Variants in FIG4 observed in about 807,000 individuals in gnomAD.
FIG4 encodes the protein FIG4 phosphoinositide 5-phosphatase.
A neutral mutation model predicts 118.6 loss-of-function variants in FIG4; 112 were observed. The observed-to-expected ratio is 0.94, with a 90% CI of 0.81 to 1.11. The LOEUF (loss-of-function observed/expected upper bound fraction) is 1.11. FIG4 is among the 50% of genes least tolerant of loss of function. The probability of loss-of-function intolerance (pLI) is 0.00; values close to 1 mark genes in which losing one functional copy is unlikely to be tolerated. For missense variants in FIG4, 969 were observed against 1,111.7 expected (o/e 0.87, Z 1.83); for synonymous variants, 369 against 381.2 (o/e 0.97, Z 0.37).
At chr6:109,720,442 T>C (rs2128382358) in intron 3 of FIG4, among the ~76,000 whole-genome samples, 1 of 152,356 alleles carries the variant, frequency 6.6e-6, no homozygotes, top group East Asian at 1.9e-4. Flanking sequence ...TGGTGGAATG[T>C]TTTGGATTGT....
At chr6:109,730,402 A>G (rs1038051952) in intron 4 of FIG4, among the ~76,000 whole-genome samples, 3 of 152,172 alleles carry the variant, frequency 2.0e-5, no homozygotes, top group African/African-American at 7.2e-5. Context: ...TGTTTTGAGA[A>G]TGGAACTTGA....
chr6:109,814,130 T>C (rs987263948), intron 22 of FIG4, among the ~76,000 whole-genome samples: 1 of 152,156 alleles, frequency 6.6e-6, no homozygotes, highest in African/African-American at 2.4e-5. Context: ...ACAAATTCAG[T>C]CTGTGCCATT....
rs1344158585 is a variant in FIG4 at position 109,715,084 on chromosome 6, T to C, written c.73T>C (p.Phe25Leu). Residue 25 changes from phenylalanine (F) to leucine (L), a missense_variant, in exon 2 of 23, where the codon TTT becomes CTT. Around this residue, in one of 3 missense-constraint regions of FIG4, gnomAD observed 393 missense variants for 409.4 expected, o/e 0.96. Coordinates refer to ENST00000230124, the MANE Select transcript of FIG4 (RefSeq NM_014845.6). Reference sequence around the variant, plus strand: ...CATTCCTTTTTATTTATAGAGATACTTTCTAGTTGGGAGCAATAATGCAGA... The same window carrying C: ...CATTCCTTTTTATTTATAGAGATACCTTCTAGTTGGGAGCAATAATGCAGA... ...LVLYETRARYFLVGSNNAETK... is the reference protein window; with the variant it reads ...LVLYETRARYLLVGSNNAETK... 1 of 1,565,780 alleles carries C rather than the reference T, an allele frequency of 6.4e-7. No individual in the cohort carries two copies. Among genetic ancestry groups the C allele is most frequent in the Admixed American group, 1.7e-5 (1 of 59,954 alleles).
At chr6:109,788,286 T>C (rs988375195) in intron 18 of FIG4, among the ~76,000 whole-genome samples, 4 of 152,212 alleles carry the variant, frequency 2.6e-5, no homozygotes, top group Non-Finnish European at 4.4e-5. Context: ...GAATGAAGCT[T>C]ATCTAACACA....
intron 10 of FIG4, among the ~76,000 whole-genome samples, chr6:109,746,234 T>TA (rs1776493597): frequency 6.6e-6 from 1 of 152,130 alleles, no homozygotes; most frequent in Non-Finnish European, 1.5e-5. Context: ...CACCTTATAG[T>TA]CAGTCATTTA....
chr6:109,753,725 C>G (rs1433978552), intron 10 of FIG4, among the ~76,000 whole-genome samples: 1 of 152,094 alleles, frequency 6.6e-6, no homozygotes. Flanking sequence ...GGAGTTCACT[C>G]ATGATTTGGC....
chr6:109,705,417 G>A (rs1289962322), intron 1 of FIG4, among the ~76,000 whole-genome samples: 5 of 152,148 alleles, frequency 3.3e-5, no homozygotes, highest in South Asian at 2.1e-4. Flanking sequence ...CTCATAACTG[G>A]CTCCACATGA....
At chr6:109,727,030 T>C (rs944236761) in intron 3 of FIG4, 79 bp from the exon 4 acceptor site, 103 of 1,031,824 alleles carry the variant, frequency 1.0e-4, no homozygotes, top group Non-Finnish European at 1.0e-4. Flanking sequence ...GTATCAAAGG[T>C]CTTTGGCCTT....
At chr6:109,730,167 GCC>G (rs1775952742) in intron 4 of FIG4, among the ~76,000 whole-genome samples, 5 of 152,040 alleles carry the variant, frequency 3.3e-5, no homozygotes, top group Admixed American at 2.6e-4. Context: ...TCCCACCTCA[GCC>G]TCCCCAGTAG....
intron 22 of FIG4, among the ~76,000 whole-genome samples, chr6:109,823,342 G>A (rs760625528): frequency 1.2e-4 from 19 of 152,102 alleles, no homozygotes; most frequent in Non-Finnish European, 2.6e-4. Context: ...ATTCCTTATT[G>A]CTGATCCTTT....
intron 1 of FIG4, 113 bp downstream of exon 1, chr6:109,691,614 C>A: frequency 1.0e-6 from 1 of 988,068 alleles, no homozygotes; most frequent in Non-Finnish European, 1.6e-6. Flanking sequence ...CTCCAGTTCC[C>A]AAATCCCTGT....
Position 109,702,019 on chromosome 6 carries a change from A to G in FIG4, c.66+10518A>G, listed in dbSNP as rs116206545. On this transcript the variant is annotated intron_variant, in intron 1 of 22. Coordinates refer to ENST00000230124, the MANE Select transcript of FIG4 (RefSeq NM_014845.6). ...TCCCCCTTCTGGGCGGCATTACCCA[A>G]TTACTGGGATTACTGGACTAAGTGA... Among the ~76,000 whole-genome samples, 1,468 of 152,280 alleles carry G rather than the reference A, an allele frequency of 9.6e-3. 29 individuals are homozygous for G. The highest frequency in any genetic ancestry group is 0.034 in the African/African-American group (1,396 of 41,528).
intron 22 of FIG4, among the ~76,000 whole-genome samples, chr6:109,815,496 C>CGGGGGGGGGG (rs58181285): frequency 2.8e-5 from 3 of 106,516 alleles, no homozygotes; most frequent in East Asian, 2.6e-4. Context: ...CTCCAGGCTG[C>CGGGGGGGGGG]CCCCCCCACC....
chr6:109,744,818 G>A (rs1252216015), intron 10 of FIG4, among the ~76,000 whole-genome samples: 1 of 148,610 alleles, frequency 6.7e-6, no homozygotes, highest in South Asian at 2.2e-4. Context: ...AGGCCCCAGT[G>A]TGTGATGTTC....
chr6:109,792,558 TTC>T, intron 20 of FIG4, 22 bp from the exon 21 acceptor site: 1 of 1,462,202 alleles, frequency 6.8e-7, no homozygotes, highest in Non-Finnish European at 9.5e-7. Context: ...TTCCTGGTTC[TTC>T]TTTTTTTTTT....
At chr6:109,693,347 C>G (rs150031542) in intron 1 of FIG4, among the ~76,000 whole-genome samples, 497 of 152,222 alleles carry the variant, frequency 3.3e-3, no homozygotes, top group African/African-American at 0.011. Flanking sequence ...TGCCACACCC[C>G]CTCTTTTCCT....
chr6:109,752,443 A>T (rs901651399), intron 10 of FIG4, among the ~76,000 whole-genome samples: 7 of 151,750 alleles, frequency 4.6e-5, no homozygotes, highest in Non-Finnish European at 1.0e-4. Flanking sequence ...GAACTAGTTT[A>T]CAGTCCCACC....
intron 22 of FIG4, among the ~76,000 whole-genome samples, chr6:109,809,423 T>A (rs1778661996): frequency 6.6e-6 from 1 of 152,236 alleles, no homozygotes; most frequent in African/African-American, 2.4e-5. Context: ...AATTATTTTT[T>A]AACTTCTGTC....
At chr6:109,733,745 C>T (rs1776077837) in intron 5 of FIG4, among the ~76,000 whole-genome samples, 1 of 151,858 alleles carries the variant, frequency 6.6e-6, no homozygotes, top group African/African-American at 2.4e-5. Flanking sequence ...TATTTTTCGC[C>T]ATCTTCTAGT....
Sources: gnomAD v4.1 joint callset for allele counts (sites outside exome capture counted in the v4.1 genomes callset) on GRCh38, gnomAD v4.1.1 for gene constraint, gnomAD v4.1.1 regional missense constraint, MANE v1.5 for transcripts, NCBI Gene and HGNC (gene_info 2026-07-23, HGNC 2026-07-21) for gene names.